DYNLT2: variants seen among roughly 807,000 people sequenced by gnomAD.
The protein encoded by DYNLT2 is dynein light chain Tctex-type 2, also known as dynein light chain Tctex-type protein 2.
Under a neutral mutation model 24.3 loss-of-function variants are expected in DYNLT2, and 24 were observed. The ratio of observed to expected loss-of-function variants is 0.99; its 90% CI spans 0.71 to 1.39. The LOEUF (loss-of-function observed/expected upper bound fraction) is 1.39. Among genes scored for constraint, DYNLT2 ranks in the 40% most tolerant of loss-of-function variants. The pLI is 0.00. For synonymous variants in DYNLT2, 85 were observed against 85.4 expected, an observed-to-expected ratio of 1.00 and a Z score of 0.03; for missense variants, 246 against 234.5, an observed-to-expected ratio of 1.05 and a Z score of -0.32.
the DYNLT2 span, among the ~76,000 whole-genome samples, chr6:169,728,555 G>A: frequency 6.6e-6 from 1 of 152,136 alleles, no homozygotes; most frequent in African/African-American, 2.4e-5. Flanking sequence ...TGTGCAAAGT[G>A]ATCTTAATAA....
intron 2 of DYNLT2, among the ~76,000 whole-genome samples, chr6:169,743,703 T>A (rs993112545): frequency 2.0e-5 from 3 of 152,236 alleles, no homozygotes; most frequent in South Asian, 4.1e-4. Flanking sequence ...TAAAACTACT[T>A]CTTTCCAGCC....
the DYNLT2 span, among the ~76,000 whole-genome samples, chr6:169,726,766 A>T: frequency 6.6e-6 from 1 of 152,234 alleles, no homozygotes; most frequent in African/African-American, 2.4e-5. Flanking sequence ...TTAACTAAGA[A>T]CTATGTTAAA....
At chr6:169,740,747 G>A (rs915175756) in intron 3 of DYNLT2, among the ~76,000 whole-genome samples, 1 of 151,876 alleles carries the variant, frequency 6.6e-6, no homozygotes, top group Non-Finnish European at 1.5e-5. Flanking sequence ...TTTTCTCTGT[G>A]TACAAACCCA....
At chr6:169,731,990 A>G in the DYNLT2 span, among the ~76,000 whole-genome samples, 4 of 152,226 alleles carry the variant, frequency 2.6e-5, no homozygotes, top group African/African-American at 9.6e-5. Flanking sequence ...AGTCAACTCA[A>G]TTACCAGGTA....
chr6:169,750,055 C>G (rs1789927148), intron 1 of DYNLT2: 1 of 152,190 alleles, frequency 6.6e-6, no homozygotes, highest in Non-Finnish European at 1.5e-5. Context: ...TTGATCACAT[C>G]CATATCAAAT....
chr6:169,746,230 C>T (rs1178240010), intron 1 of DYNLT2, among the ~76,000 whole-genome samples: 1 of 151,950 alleles, frequency 6.6e-6, no homozygotes, highest in Non-Finnish European at 1.5e-5. Flanking sequence ...TTGTTGGTAC[C>T]TGATTTCAAT....
chr6:169,746,507 TTC>T (rs777717705), intron 1 of DYNLT2, among the ~76,000 whole-genome samples: 2 of 152,198 alleles, frequency 1.3e-5, no homozygotes, highest in Admixed American at 1.3e-4. Flanking sequence ...GCATTTCTAG[TTC>T]TTTCTTAGGA....
intron 2 of DYNLT2, 101 bp downstream of exon 2, chr6:169,743,967 G>T: frequency 2.6e-6 from 3 of 1,151,624 alleles, no homozygotes; most frequent in Non-Finnish European, 3.7e-6. Flanking sequence ...AGTGACAATT[G>T]TATGAGCCAA....
the DYNLT2 span, among the ~76,000 whole-genome samples, chr6:169,732,595 C>G: frequency 1.4e-3 from 214 of 152,280 alleles, 8 homozygotes; most frequent in East Asian, 0.034. Flanking sequence ...TCATCCATGT[C>G]CCTGCAAAGG....
chr6:169,749,596 G>A (rs1789897185), intron 1 of DYNLT2: 1 of 152,206 alleles, frequency 6.6e-6, no homozygotes, highest in South Asian at 2.1e-4. Flanking sequence ...AAGACACAGG[G>A]AACACTTTAG....
At chr6:169,735,306 T>A (rs146290694), downstream of DYNLT2, among the ~76,000 whole-genome samples, 1 of 152,196 alleles carries the variant, frequency 6.6e-6, no homozygotes, top group African/African-American at 2.4e-5. Context: ...CTGATGTTAG[T>A]TATTTTTTGT....
rs1789740487 is a variant in DYNLT2, at chr6:169,744,143, A to G, written c.252T>C (p.Ala84=). 6.2e-7 allele frequency: 1 copy of G among 1,613,428 alleles called. No homozygotes were observed. Among genetic ancestry groups the G allele is most frequent in the South Asian group, 1.1e-5 (1 of 91,080 alleles). The change falls in exon 2 of 4, where the codon GCT becomes GCC. Residue 84 remains alanine (A), a synonymous_variant. Transcript: ENST00000366774. ...TCAATGGCTCCATTCTATATGAATT[A>G]GCAAACTTTAATTTTGCCAGGGCAC... ...WKSALAKLKF[A]NSYRMEPLKK...
In DYNLT2 at chr6:169,744,159, G is replaced by T; in HGVS notation, c.236C>A (p.Ala79Glu). 3 of 1,613,298 alleles carry T rather than the reference G, an allele frequency of 1.9e-6. No homozygotes were observed. Among genetic ancestry groups the T allele is most frequent in the Non-Finnish European group, 1.7e-6 (2 of 1,179,966 alleles). ...ATATGAATTAGCAAACTTTAATTTTGCCAGGGCACTCTTCCATTCTTTACC... is the reference window on the plus strand; with the variant it reads ...ATATGAATTAGCAAACTTTAATTTTTCCAGGGCACTCTTCCATTCTTTACC... ...DIGKEWKSAL[A>E]KLKFANSYRM... Residue 79 changes from alanine to glutamate, a missense_variant, in exon 2 of 4, where the codon GCA becomes GAA. Physicochemically the swap from Ala to Glu is moderately radical, Grantham distance 107 (BLOSUM62 -1). Coordinates refer to ENST00000366774, the MANE Select transcript of DYNLT2 (RefSeq NM_174910.3).
chr6:169,737,963 C>G (rs534397137), downstream of DYNLT2, among the ~76,000 whole-genome samples: 1 of 152,284 alleles, frequency 6.6e-6, no homozygotes, highest in South Asian at 2.1e-4. Context: ...CCACTAGGGT[C>G]TCAGGCCCAG....
the DYNLT2 span, chr6:169,725,654 AC>A: frequency 4.7e-6 from 1 of 214,424 alleles, no homozygotes; most frequent in Non-Finnish European, 9.1e-6. Context: ...AAGAAAAAAA[AC>A]AAAAACAAAA....
At chr6:169,736,056 CTT>C (rs1789554869), downstream of DYNLT2, among the ~76,000 whole-genome samples, 2 of 151,602 alleles carry the variant, frequency 1.3e-5, no homozygotes, top group South Asian at 2.1e-4. Flanking sequence ...CTTTTTTGAT[CTT>C]TGTTGGTTTA....
chr6:169,739,164 T>C (rs1789623124), downstream of DYNLT2, among the ~76,000 whole-genome samples: 1 of 151,722 alleles, frequency 6.6e-6, no homozygotes, highest in South Asian at 2.1e-4. Context: ...CCTGCCTCCC[T>C]GCTAGAAGAG....
At chr6:169,744,401 A>G in intron 1 of DYNLT2, 127 bp from the exon 2 acceptor site, 1 of 783,590 alleles carries the variant, frequency 1.3e-6, no homozygotes, top group South Asian at 2.0e-5. Context: ...GAAATTTGTT[A>G]AACAGATTTC....
intron 1 of DYNLT2, among the ~76,000 whole-genome samples, chr6:169,744,490 C>A (rs1457659567): frequency 2.0e-5 from 3 of 152,064 alleles, no homozygotes; most frequent in African/African-American, 4.8e-5. Context: ...ACTATTTATT[C>A]TTTTATCTAT....
Sources: gnomAD v4.1 joint callset for allele counts (sites outside exome capture counted in the v4.1 genomes callset) on GRCh38, gnomAD v4.1.1 for gene constraint, MANE v1.5 for transcripts, NCBI Gene and HGNC (gene_info 2026-07-23, HGNC 2026-07-21) for gene names.